The following LRRC8A variants were observed in gnomAD, a reference collection of about 807,000 sequenced individuals.
LRRC8A encodes leucine rich repeat containing 8 VRAC subunit A.
Under a neutral mutation model 52.5 loss-of-function variants are expected in LRRC8A, and 24 were observed. The observed-to-expected ratio is 0.46, with a 90% CI of 0.33 to 0.64. The LOEUF is 0.64. Among genes scored for constraint, LRRC8A ranks in the 30% least tolerant of loss-of-function variants. The probability of loss-of-function intolerance (pLI) is 0.02; values close to 1 mark genes in which losing one functional copy is unlikely to be tolerated. For missense variants in LRRC8A, 677 were observed against 1,094.7 expected, an observed-to-expected ratio of 0.62 and a Z score of 5.38; for synonymous variants, 492 against 494.2, an observed-to-expected ratio of 1.00 and a Z score of 0.06.
At position 128,904,810 on chromosome 9, in the gene LRRC8A, C is replaced by T. The variant is rs544804911; in HGVS notation, c.-8-2347C>T. ...GAGAACGAGACCATCCTGGCTAACA[C>T]GGTGAAACCCCGTCTCTACTAAAAA... On this transcript the variant is annotated intron_variant, in intron 2 of 3. Coordinates refer to ENST00000372600, the MANE Select transcript of LRRC8A (RefSeq NM_019594.4). Among the ~76,000 whole-genome samples the T allele has an allele frequency of 4.7e-4, 72 of 151,584 alleles. No individual in the cohort carries two copies. In the South Asian group the frequency reaches 7.1e-3, roughly 15 times the overall value.
In LRRC8A at chr9:128,899,550, C is replaced by G. The variant is rs1324679158; in HGVS notation, c.-8-7607C>G. 1.3e-5 allele frequency among the ~76,000 whole-genome samples: 2 copies of G among 151,418 alleles called. No homozygotes were observed. Among genetic ancestry groups the G allele is most frequent in the Non-Finnish European group, 2.9e-5 (2 of 67,892 alleles). ...CCGGTTTCCGTGGTTATAAAATGGACACCTTAAAAAAAAAAGCCTTAACAA... is the reference window on the plus strand; with the variant it reads ...CCGGTTTCCGTGGTTATAAAATGGAGACCTTAAAAAAAAAAGCCTTAACAA... On this transcript the variant is annotated intron_variant, in intron 2 of 3. Coordinates refer to ENST00000372600, the MANE Select transcript of LRRC8A (RefSeq NM_019594.4). This position sits in a 1 kb window ranked among gnomAD's most constrained non-coding sequence, Gnocchi z 4.0.
At chr9:128,915,083 T>C (rs11791006) in intron 3 of LRRC8A, among the ~76,000 whole-genome samples, 4 of 152,156 alleles carry the variant, frequency 2.6e-5, no homozygotes, top group Non-Finnish European at 5.9e-5. Flanking sequence ...TTATAGGTAG[T>C]TTGCTGGTTA....
intron 1 of LRRC8A, among the ~76,000 whole-genome samples, chr9:128,883,616 C>T (rs1043880542): frequency 1.3e-5 from 2 of 152,160 alleles, no homozygotes; most frequent in African/African-American, 4.8e-5. Flanking sequence ...CCTTGTTTTC[C>T]TGGTCTCAGG....
intron 2 of LRRC8A, among the ~76,000 whole-genome samples, chr9:128,901,624 C>T (rs879396586): frequency 6.6e-6 from 1 of 152,172 alleles, no homozygotes; most frequent in East Asian, 1.9e-4. Flanking sequence ...ATGGCCTCCT[C>T]CCAGCAGCCC....
rs756615821 is a variant in LRRC8A at position 128,907,256 on chromosome 9, T to C, written c.92T>C (p.Ile31Thr). Reference protein sequence around the residue: ...KPWWDVFTDYISIVMLMIAVF... With the variant: ...KPWWDVFTDYTSIVMLMIAVF... ...TGGTGGGATGTGTTCACAGACTACA[T>C]CTCTATCGTCATGCTGATGATTGCC... is the stretch of plus-strand genomic sequence containing the variant. Residue 31 changes from isoleucine to threonine, a missense_variant, in exon 3 of 4, where the codon ATC (isoleucine) becomes ACC (threonine). Physicochemically the swap from Ile to Thr is moderately conservative, Grantham distance 89 (BLOSUM62 -1). Around this residue, in one of 4 missense-constraint regions of LRRC8A, gnomAD observed 32 missense variants for 86.0 expected, o/e 0.37. Transcript: ENST00000372600. The surrounding 1 kb of genome is among the most constrained non-coding windows in gnomAD (Gnocchi z 9.3). 1 of 1,614,028 alleles carries C rather than the reference T, an allele frequency of 6.2e-7. No individual in the cohort carries two copies. The highest frequency in any genetic ancestry group is 8.5e-7 in the Non-Finnish European group (1 of 1,180,016).
At chr9:128,906,232 G>A (rs1588217163) in intron 2 of LRRC8A, among the ~76,000 whole-genome samples, 2 of 151,706 alleles carry the variant, frequency 1.3e-5, no homozygotes, top group Admixed American at 6.6e-5. Flanking sequence ...GGACTCAAGC[G>A]ATCCTCCCAC....
intron 2 of LRRC8A, among the ~76,000 whole-genome samples, chr9:128,889,809 T>G (rs1839535123): frequency 6.6e-6 from 1 of 150,752 alleles, no homozygotes; most frequent in African/African-American, 2.5e-5. Context: ...TTTAATTTAA[T>G]TTTACTTTTT....
At chr9:128,900,700 C>T (rs947706492) in intron 2 of LRRC8A, among the ~76,000 whole-genome samples, 3 of 151,872 alleles carry the variant, frequency 2.0e-5, no homozygotes, top group African/African-American at 7.3e-5. Flanking sequence ...ATTGAGACTC[C>T]GTCTCAAAAT....
intron 2 of LRRC8A, among the ~76,000 whole-genome samples, chr9:128,888,839 A>G (rs190436423): frequency 6.6e-5 from 10 of 151,590 alleles, no homozygotes; most frequent in Admixed American, 2.6e-4. Flanking sequence ...TCTCCCATAC[A>G]CTGCTTGGGA....
At chr9:128,893,325 C>T (rs556340537) in intron 2 of LRRC8A, among the ~76,000 whole-genome samples, 65 of 152,336 alleles carry the variant, frequency 4.3e-4, no homozygotes, top group African/African-American at 1.2e-3. Flanking sequence ...GGGTCATCTG[C>T]GATGGCAGGT....
In LRRC8A at chr9:128,908,578, A is replaced by G; in HGVS notation, c.1414A>G (p.Lys472Glu). The change falls in exon 3 of 4, where the codon AAG (lysine) becomes GAG (glutamate). Residue 472 changes from lysine (K) to glutamate (E), a missense_variant. By Grantham distance (56) the Lys-to-Glu change is moderately conservative (BLOSUM62 1). Coordinates refer to ENST00000372600, the MANE Select transcript of LRRC8A (RefSeq NM_019594.4). ...CAGCATTGCCCAGCTCACGGGCCTC[A>G]AGGAGCTGTGGCTCTACCACACAGC... ...PPSIAQLTGL[K>E]ELWLYHTAAK... 1 of 1,612,844 alleles carries G rather than the reference A, an allele frequency of 6.2e-7. No individual in the cohort carries two copies. The highest frequency in any genetic ancestry group is 8.5e-7 in the Non-Finnish European group (1 of 1,179,982).
intron 2 of LRRC8A, among the ~76,000 whole-genome samples, chr9:128,903,044 C>T (rs1224287608): frequency 6.6e-5 from 10 of 152,200 alleles, no homozygotes; most frequent in African/African-American, 1.4e-4. Flanking sequence ...GACCTGAGCC[C>T]GGTGGTAGAG....
chr9:128,907,187 G>A lies in LRRC8A; in HGVS notation c.23G>A (p.Arg8His), dbSNP rs770380359. 2.5e-6 allele frequency: 4 copies of A among 1,609,784 alleles called. No individual in the cohort carries two copies. Among genetic ancestry groups the A allele is most frequent in the African/African-American group, 1.3e-5 (1 of 74,868 alleles). Residue 8 changes from arginine to histidine, a missense_variant, in exon 3 of 4, where the codon CGC becomes CAC. This residue lies in a region of LRRC8A where 32 missense variants were observed against 86.0 expected (regional missense o/e 0.37). Transcript: ENST00000372600. This position sits in a 1 kb window ranked among gnomAD's most constrained non-coding sequence, Gnocchi z 9.3. ...ACCATGATTCCGGTGACAGAGCTCC[G>A]CTACTTTGCGGACACGCAGCCAGCA... MIPVTEL[R>H]YFADTQPAYR...
intron 2 of LRRC8A, among the ~76,000 whole-genome samples, chr9:128,891,803 G>A (rs1839633303): frequency 6.6e-6 from 1 of 152,178 alleles, no homozygotes; most frequent in Admixed American, 6.5e-5. Flanking sequence ...CTGGGTCCCA[G>A]GTGGGTCCGG....
Position 128,916,833 on chromosome 9 carries a change from T to G in LRRC8A, c.*462T>G. 6.1e-6 allele frequency: 1 copy of G among 163,092 alleles called. No individual in the cohort carries two copies. The allele number at this position is 163,092 out of a possible 1,614,324, so 10.1% of individuals were successfully genotyped here. A position where few individuals can be genotyped will look rare whatever the true frequency, so the allele number is the denominator to read the frequency against. On this transcript the variant is annotated 3_prime_UTR_variant, in exon 4 of 4. Coordinates refer to ENST00000372600, the MANE Select transcript of LRRC8A (RefSeq NM_019594.4). This position sits in a 1 kb window ranked among gnomAD's most constrained non-coding sequence, Gnocchi z 6.1. ...GGTGGGCTGCCTTTTCCCCTTGTCC[T>G]TATTTAGCGATGCCGCCGGGCATTT...
At position 128,909,044 on chromosome 9, in the gene LRRC8A, A is replaced by G. The variant is rs780289364; in HGVS notation, c.1880A>G (p.Lys627Arg). Residue 627 changes from lysine (K) to arginine (R), a missense_variant, in exon 3 of 4, where the codon AAG becomes AGG. Transcript: ENST00000372600. ...QEIDLKDNNL[K>R]TIEEIISFQH... ...ATTGACCTCAAGGACAACAACCTCA[A>G]GACCATCGAGGAGATCATCAGCTTC... 1.2e-6 allele frequency: 2 copies of G among 1,614,062 alleles called. No homozygotes were observed. The highest frequency in any genetic ancestry group is 1.7e-5 in the Admixed American group (1 of 60,010).
At chr9:128,913,729 G>A (rs929185318) in intron 3 of LRRC8A, among the ~76,000 whole-genome samples, 1 of 152,174 alleles carries the variant, frequency 6.6e-6, no homozygotes, top group African/African-American at 2.4e-5. Context: ...AGGAGATCAC[G>A]GGGTGGGAGT....
At chr9:128,901,098 G>A (rs768789298) in intron 2 of LRRC8A, among the ~76,000 whole-genome samples, 5 of 152,182 alleles carry the variant, frequency 3.3e-5, no homozygotes, top group African/African-American at 7.2e-5. Flanking sequence ...GATTGAACTC[G>A]GGAGGTGGTG....
At chr9:128,906,090 T>C (rs542253684) in intron 2 of LRRC8A, among the ~76,000 whole-genome samples, 1 of 152,310 alleles carries the variant, frequency 6.6e-6, no homozygotes, top group African/African-American at 2.4e-5. Context: ...CCTTTGGTCT[T>C]CCGAGTGTTC....
Sources: gnomAD v4.1 joint callset for allele counts (sites outside exome capture counted in the v4.1 genomes callset) on GRCh38, gnomAD v4.1.1 for gene constraint, gnomAD v4.1.1 regional missense constraint, Gnocchi (gnomAD v3.1) non-coding constraint, MANE v1.5 for transcripts, NCBI Gene and HGNC (gene_info 2026-07-23, HGNC 2026-07-21) for gene names.